Variants in DISP3 observed in about 807,000 individuals in gnomAD.
The protein encoded by DISP3 is protein dispatched homolog 3.
A neutral mutation model predicts 135.3 loss-of-function variants in DISP3; 101 were observed. That is an observed-to-expected ratio of 0.75 (90% CI 0.64 to 0.88). The LOEUF (loss-of-function observed/expected upper bound fraction) is 0.88, where lower values mean the gene tolerates loss of function less well. Ranked by LOEUF, DISP3 falls within the 40% of genes least tolerant of loss-of-function variation. The pLI is 0.00. For synonymous variants in DISP3, 856 were observed against 817.0 expected, an observed-to-expected ratio of 1.05 and a Z score of -0.81; for missense variants, 1,713 against 1,878.6, an observed-to-expected ratio of 0.91 and a Z score of 1.63.
intron 3 of DISP3, among the ~76,000 whole-genome samples, chr1:11,508,995 G>A (rs1474664523): frequency 6.6e-6 from 1 of 151,962 alleles, no homozygotes; most frequent in Non-Finnish European, 1.5e-5. Flanking sequence ...AGAAGCTAAG[G>A]CCATCGATTT....
rs1425339225 is a variant in DISP3 at position 11,483,331 on chromosome 1, T to C, written c.-4+3959T>C. ...TGGTGATAACAATACCAACCAATCATAGCTGCCATGTGTTAAATACCTACT... is the reference window on the plus strand; with the variant it reads ...TGGTGATAACAATACCAACCAATCACAGCTGCCATGTGTTAAATACCTACT... On this transcript the variant is annotated intron_variant, in intron 1 of 20. Transcript: ENST00000294484. This position sits in a 1 kb window ranked among gnomAD's most constrained non-coding sequence, Gnocchi z 5.4. Among the ~76,000 whole-genome samples, 1 of 152,262 alleles carries C rather than the reference T, an allele frequency of 6.6e-6. No individual in the cohort carries two copies. Among genetic ancestry groups the C allele is most frequent in the African/African-American group, 2.4e-5 (1 of 41,478 alleles).
intron 17 of DISP3, chr1:11,533,670 C>T: frequency 1.5e-6 from 1 of 662,984 alleles, no homozygotes; most frequent in Admixed American, 2.1e-5. Context: ...GAGAAGTCCC[C>T]ACTCAGGCTC....
At position 11,534,505 on chromosome 1, in the gene DISP3, G is replaced by C. The variant is rs773441398; in HGVS notation, c.3500G>C (p.Cys1167Ser). Reference sequence around the variant, plus strand: ...GTCCTGCGCCGGGGCTTCCAGACCTGCGAGCACTGGAAGCAGATATTCATG... The same window carrying C: ...GTCCTGCGCCGGGGCTTCCAGACCTCCGAGCACTGGAAGCAGATATTCATG... The part of the protein sequence containing the change: ...GSVLRRGFQT[C>S]EHWKQIFMEI... The change falls in exon 18 of 21, where the codon TGC (cysteine) becomes TCC (serine). Residue 1167 changes from cysteine to serine, a missense_variant. Physicochemically the swap from Cys to Ser is moderately radical, Grantham distance 112. Around this residue, in one of 2 missense-constraint regions of DISP3, gnomAD observed 1,142 missense variants for 1,384.6 expected, o/e 0.82. Transcript: ENST00000294484. 13 of 1,612,576 alleles carry C rather than the reference G, an allele frequency of 8.1e-6. No homozygotes were observed. In the East Asian group the frequency reaches 2.7e-4, roughly 33 times the overall value.
In DISP3 at chr1:11,502,837, G is replaced by A. The variant is rs201030778; in HGVS notation, c.1256G>A (p.Arg419Gln). ...GTAGATGACCGCTGGGAGGAACAAC[G>A]GGCTAAGTTTCAGAGCTTCGTGGTC... ...YSVDDRWEEQ[R>Q]AKFQSFVVTY... The change falls in exon 3 of 21, where the codon CGG becomes CAG. Residue 419 changes from arginine to glutamine, a missense_variant. By Grantham distance (43) the Arg-to-Gln change is conservative. Around this residue, in one of 2 missense-constraint regions of DISP3, gnomAD observed 1,142 missense variants for 1,384.6 expected, o/e 0.82. Transcript: ENST00000294484. 3.5e-5 allele frequency: 57 copies of A among 1,614,202 alleles called. No individual in the cohort carries two copies. The African/African-American group carries it at 4.9e-4, about 14-fold the overall frequency.
rs72866416 is a variant in DISP3, at chr1:11,531,794, C to G, written c.3375+84C>G. The G allele has an allele frequency of 6.7e-7, 1 of 1,495,186 alleles. No individual in the cohort carries two copies. Among genetic ancestry groups the G allele is most frequent in the East Asian group, 2.3e-5 (1 of 43,024 alleles). 92.6% of individuals were successfully genotyped at this position (1,495,186 alleles called of 1,614,324 possible). ...TCTGATCCCAGCCCTCTTCCCAGAT[C>G]GGGGGGGAGATGCTGAGGCCCAGAG... On this transcript the variant is annotated intron_variant, in intron 17 of 20. Transcript: ENST00000294484. This position sits in a 1 kb window ranked among gnomAD's most constrained non-coding sequence, Gnocchi z 5.2.
rs537394163 is a variant in DISP3 at position 11,528,950 on chromosome 1, G to A, written c.2799-606G>A. On this transcript the variant is annotated intron_variant, in intron 13 of 20. Coordinates refer to ENST00000294484, the MANE Select transcript of DISP3 (RefSeq NM_020780.2). ...TCCAGCCTGGGACCCTGACTCGGGG[G>A]TGGGGGCCCCTCTGCCTGTCCTCCC... is the stretch of plus-strand genomic sequence containing the variant. Among the ~76,000 whole-genome samples the A allele has an allele frequency of 2.6e-3, 398 of 152,356 alleles. 3 individuals carry two copies. Among genetic ancestry groups the A allele is most frequent in the African/African-American group, 9.0e-3 (376 of 41,584 alleles).
intron 3 of DISP3, among the ~76,000 whole-genome samples, chr1:11,509,596 T>G (rs867168367): frequency 1.8e-4 from 27 of 152,198 alleles, no homozygotes; most frequent in African/African-American, 6.3e-4. Context: ...ATAAAAACAT[T>G]TAGGATTGTA....
rs2100348304 is a variant in DISP3 at position 11,483,111 on chromosome 1, A to G, written c.-4+3739A>G. On this transcript the variant is annotated intron_variant, in intron 1 of 20. Coordinates refer to ENST00000294484, the MANE Select transcript of DISP3 (RefSeq NM_020780.2). This position sits in a 1 kb window ranked among gnomAD's most constrained non-coding sequence, Gnocchi z 5.4. ...GCGGGACCAGTCCAGGGATGGCGGC[A>G]GAGCCTCCCCCAGTGAGCTCACTCT... is the stretch of plus-strand genomic sequence containing the variant. Among the ~76,000 whole-genome samples the G allele has an allele frequency of 6.6e-6, 1 of 152,386 alleles. No individual in the cohort carries two copies. The highest frequency in any genetic ancestry group is 2.4e-5 in the African/African-American group (1 of 41,602).
At chr1:11,518,588 C>G (rs1642080008) in intron 7 of DISP3, among the ~76,000 whole-genome samples, 1 of 152,210 alleles carries the variant, frequency 6.6e-6, no homozygotes, top group Admixed American at 6.5e-5. Flanking sequence ...CGGCCTGGGG[C>G]TGTCTCCCCA....
At chr1:11,480,291 G>C (rs1380656947) in intron 1 of DISP3, among the ~76,000 whole-genome samples, 1 of 152,116 alleles carries the variant, frequency 6.6e-6, no homozygotes, top group South Asian at 2.1e-4. Context: ...GGCCGCCCTA[G>C]AAACTCAGAA....
At chr1:11,532,200 C>T (rs980775701) in intron 17 of DISP3, among the ~76,000 whole-genome samples, 2 of 152,212 alleles carry the variant, frequency 1.3e-5, no homozygotes, top group Admixed American at 6.5e-5. Context: ...TGTGCACATA[C>T]CCACACATGC....
At position 11,491,699 on chromosome 1, in the gene DISP3, G is replaced by A. The variant is rs527416342; in HGVS notation, c.-3-9291G>A. On this transcript the variant is annotated intron_variant, in intron 1 of 20. Coordinates refer to ENST00000294484, the MANE Select transcript of DISP3 (RefSeq NM_020780.2). This position sits in a 1 kb window ranked among gnomAD's most constrained non-coding sequence, Gnocchi z 4.3. ...TCTGACCTAGAGTTTGCACTTTAAC[G>A]AGTATGCCTAGTGACTCCGATTCAC... is the stretch of plus-strand genomic sequence containing the variant. Among the ~76,000 whole-genome samples, 27 of 152,294 alleles carry A rather than the reference G, an allele frequency of 1.8e-4. No homozygotes were observed. The highest frequency in any genetic ancestry group is 6.3e-4 in the African/African-American group (26 of 41,578).
chr1:11,526,261 C>T (rs1350522112), intron 12 of DISP3, among the ~76,000 whole-genome samples: 1 of 152,206 alleles, frequency 6.6e-6, no homozygotes, highest in East Asian at 1.9e-4. Context: ...CCCACAGAGC[C>T]CTGCCCCGGC....
chr1:11,487,653 G>A (rs1353859570), intron 1 of DISP3, among the ~76,000 whole-genome samples: 6 of 152,150 alleles, frequency 3.9e-5, no homozygotes, highest in African/African-American at 1.4e-4. Flanking sequence ...TGCTTCCCCC[G>A]TCCTGGAGTA....
chr1:11,532,221 G>C lies in DISP3; in HGVS notation c.3375+511G>C, dbSNP rs1642593302. On this transcript the variant is annotated intron_variant, in intron 17 of 20. Transcript: ENST00000294484. ...CATACCCACACATGCACACACTCCT[G>C]ACCTGGGCACTGTGGGGACTCTCGG... 2.0e-5 allele frequency among the ~76,000 whole-genome samples: 3 copies of C among 152,198 alleles called. No homozygotes were observed. The South Asian group carries it at 6.2e-4, about 32-fold the overall frequency.
intron 10 of DISP3, among the ~76,000 whole-genome samples, chr1:11,521,272 G>GGA (rs1642181440): frequency 6.9e-6 from 1 of 144,002 alleles, no homozygotes; most frequent in Non-Finnish European, 1.5e-5. Flanking sequence ...AAAGAAGAGG[G>GGA]GTCAACCAGG....
At position 11,517,536 on chromosome 1, in the gene DISP3, C is replaced by T; in HGVS notation, c.1823C>T (p.Thr608Ile). 1 of 1,614,220 alleles carries T rather than the reference C, an allele frequency of 6.2e-7. No individual in the cohort carries two copies. The highest frequency in any genetic ancestry group is 1.1e-5 in the South Asian group (1 of 91,078). ...VSCCWLAVLV[T>I]MPAALGLWSL... ...TGTTGCTGGCTGGCCGTGCTTGTCA[C>T]CATGCCTGCAGCTCTGGGCCTCTGG... The change falls in exon 7 of 21, where the codon ACC becomes ATC. Residue 608 changes from threonine (T) to isoleucine (I), a missense_variant. Around this residue, in one of 2 missense-constraint regions of DISP3, gnomAD observed 1,142 missense variants for 1,384.6 expected, o/e 0.82. Coordinates refer to ENST00000294484, the MANE Select transcript of DISP3 (RefSeq NM_020780.2).
chr1:11,482,282 T>G (rs1640924296), intron 1 of DISP3, among the ~76,000 whole-genome samples: 1 of 152,188 alleles, frequency 6.6e-6, no homozygotes, highest in African/African-American at 2.4e-5. Context: ...TTAGAGGTCC[T>G]GCCCAGTGAG....
intron 1 of DISP3, among the ~76,000 whole-genome samples, chr1:11,484,355 T>G (rs182410680): frequency 6.6e-6 from 1 of 152,118 alleles, no homozygotes; most frequent in Non-Finnish European, 1.5e-5. Flanking sequence ...AAGGTGAAGG[T>G]TTGGAACTAA....
Sources: allele counts gnomAD v4.1 joint callset (sites outside exome capture counted in the v4.1 genomes callset), GRCh38; gene constraint gnomAD v4.1.1; regional missense constraint gnomAD v4.1.1; non-coding constraint Gnocchi (gnomAD v3.1); transcripts MANE v1.5; gene names NCBI Gene and HGNC (gene_info 2026-07-23, HGNC 2026-07-21).